The following MAP3K10 variants were observed in gnomAD, a reference collection of about 807,000 sequenced individuals.
MAP3K10 encodes MKN28 derived nonreceptor_type serine/threonine kinase.
MAP3K10 carries 22 observed loss-of-function variants against 75.0 expected under a neutral mutation model. The observed-to-expected ratio is 0.29, with a 90% CI of 0.21 to 0.42. MAP3K10 has a LOEUF of 0.42. MAP3K10 is among the 10% of genes least tolerant of loss of function. The pLI is 1.00. For missense variants in MAP3K10, 1,165 were observed against 1,379.8 expected, an observed-to-expected ratio of 0.84 and a Z score of 2.47; for synonymous variants, 599 against 612.9, an observed-to-expected ratio of 0.98 and a Z score of 0.34.
At chr19:40,209,498 C>T (rs965249980) in intron 6 of MAP3K10, among the ~76,000 whole-genome samples, 3 of 151,900 alleles carry the variant, frequency 2.0e-5, no homozygotes, top group East Asian at 3.9e-4. Context: ...CTGCAACCTC[C>T]GCCTCCTGGG....
In MAP3K10 at chr19:40,192,120, C is replaced by T. The variant is rs1263304652; in HGVS notation, c.89C>T (p.Ala30Val). The T allele has an allele frequency of 7.0e-6, 11 of 1,570,990 alleles. No individual in the cohort carries two copies. Among genetic ancestry groups the T allele is most frequent in the Non-Finnish European group, 9.5e-6 (11 of 1,161,692 alleles). The change falls in exon 1 of 10, where the codon GCG (alanine) becomes GTG (valine). Residue 30 changes from alanine to valine, a missense_variant. By Grantham distance (64) the Ala-to-Val change is moderately conservative. Around this residue, in one of 2 missense-constraint regions of MAP3K10, gnomAD observed 575 missense variants for 793.2 expected, o/e 0.72. Coordinates refer to ENST00000253055, the MANE Select transcript of MAP3K10 (RefSeq NM_002446.4). The surrounding 1 kb of genome is among the most constrained non-coding windows in gnomAD (Gnocchi z 7.1). ...VWTAVFDYEA[A>V]GDEELTLRRG... ...ACCGCGGTGTTCGACTACGAGGCGG[C>T]GGGCGACGAGGAGCTGACCCTGCGG...
chr19:40,213,033 A>G lies in MAP3K10; in HGVS notation c.1725-43A>G. 1 of 1,596,722 alleles carries G rather than the reference A, an allele frequency of 6.3e-7. No homozygotes were observed. The highest frequency in any genetic ancestry group is 8.5e-7 in the Non-Finnish European group (1 of 1,170,386). On this transcript the variant is annotated intron_variant, in intron 7 of 9. Transcript: ENST00000253055. The surrounding 1 kb of genome is among the most constrained non-coding windows in gnomAD (Gnocchi z 5.7). ...GCCCAAGCCCCAGCTCCCAGGCTCC[A>G]GGCCACAGGACTGAGGTCTCCATCT...
At position 40,191,969 on chromosome 19, in the gene MAP3K10, G is replaced by T. The variant is rs1972822441; in HGVS notation, c.-63G>T. 3.4e-6 allele frequency: 4 copies of T among 1,190,696 alleles called. No individual in the cohort carries two copies. The South Asian group carries it at 5.2e-5, about 15-fold the overall frequency. 73.8% of individuals were successfully genotyped at this position (1,190,696 alleles called of 1,614,324 possible). A position where few individuals can be genotyped will look rare whatever the true frequency, so the allele number is the denominator to read the frequency against. On this transcript the variant is annotated 5_prime_UTR_variant, in exon 1 of 10. Transcript: ENST00000253055. ...CCCTCCATCCCGGCCGCCGGGGCCC[G>T]CCCTCTGCATCCCGCGGGCAGCCTG...
Position 40,213,967 on chromosome 19 carries a change from G to A in MAP3K10, c.2288G>A (p.Arg763His), listed in dbSNP as rs780965991. 2.6e-6 allele frequency: 4 copies of A among 1,535,214 alleles called. No individual in the cohort carries two copies. Among genetic ancestry groups the A allele is most frequent in the South Asian group, 1.2e-5 (1 of 83,010 alleles). ...SDCNSTRSLL[R>H]SDSDEAAPAA... is the part of the protein sequence containing the mutation. ...TGCAACTCCACGCGTTCACTGCTGC[G>A]CTCTGACAGTGACGAGGCCGCACCG... Residue 763 changes from arginine (R) to histidine (H), a missense_variant, in exon 9 of 10, where the codon CGC becomes CAC. Arg to His is a conservative substitution (Grantham distance 29, BLOSUM62 0). Coordinates refer to ENST00000253055, the MANE Select transcript of MAP3K10 (RefSeq NM_002446.4). This position sits in a 1 kb window ranked among gnomAD's most constrained non-coding sequence, Gnocchi z 5.7.
At position 40,192,071 on chromosome 19, in the gene MAP3K10, A is replaced by C. The variant is rs908334304; in HGVS notation, c.40A>C (p.Thr14Pro). The C allele has an allele frequency of 8.1e-6, 12 of 1,489,128 alleles. No homozygotes were observed. In the African/African-American group the frequency reaches 1.6e-4, roughly 19 times the overall value. 92.2% of individuals were successfully genotyped at this position (1,489,128 alleles called of 1,614,324 possible). A position where few individuals can be genotyped will look rare whatever the true frequency, so the allele number is the denominator to read the frequency against. The stretch of plus-strand genomic sequence containing the variant: ...GGGGGCGGTGGCCAAGGAGTGGGGC[A>C]CGACCCCCGCGGGGCCCGTCTGGAC... ...EEGAVAKEWG[T>P]TPAGPVWTAV... The change falls in exon 1 of 10, where the codon ACG (threonine) becomes CCG (proline). Residue 14 changes from threonine (T) to proline (P), a missense_variant. Physicochemically the swap from Thr to Pro is conservative, Grantham distance 38. Around this residue, in one of 2 missense-constraint regions of MAP3K10, gnomAD observed 575 missense variants for 793.2 expected, o/e 0.72. Coordinates refer to ENST00000253055, the MANE Select transcript of MAP3K10 (RefSeq NM_002446.4). This position sits in a 1 kb window ranked among gnomAD's most constrained non-coding sequence, Gnocchi z 7.1.
chr19:40,195,000 A>G (rs979392870), intron 1 of MAP3K10, among the ~76,000 whole-genome samples: 1 of 152,192 alleles, frequency 6.6e-6, no homozygotes, highest in African/African-American at 2.4e-5. Flanking sequence ...GACCTGAACA[A>G]AGGGGACCCA....
chr19:40,213,576 C>G lies in MAP3K10; in HGVS notation c.1897C>G (p.Pro633Ala). The change falls in exon 9 of 10, where the codon CCG (proline) becomes GCG (alanine). Residue 633 changes from proline to alanine, a missense_variant. Pro to Ala is a conservative substitution (Grantham distance 27). This residue lies in a region of MAP3K10 where 590 missense variants were observed against 586.6 expected (regional missense o/e 1.01). Transcript: ENST00000253055. This position sits in a 1 kb window ranked among gnomAD's most constrained non-coding sequence, Gnocchi z 5.7. ...SSVPPSPYST[P>A]SYLSVPLPAE... ...CGTGCCCCCTTCCCCCTACTCGACC[C>G]CGTCCTACCTCTCAGTGCCACTGCC... 6 of 1,609,900 alleles carry G rather than the reference C, an allele frequency of 3.7e-6. No homozygotes were observed. The highest frequency in any genetic ancestry group is 4.2e-6 in the Non-Finnish European group (5 of 1,178,556).
intron 1 of MAP3K10, among the ~76,000 whole-genome samples, chr19:40,196,673 C>T (rs530719383): frequency 7.9e-5 from 12 of 152,266 alleles, no homozygotes; most frequent in African/African-American, 2.6e-4. Context: ...CACCCGCCAC[C>T]ACACCCAGCT....
chr19:40,195,049 A>G (rs1438307227), intron 1 of MAP3K10, among the ~76,000 whole-genome samples: 1 of 152,212 alleles, frequency 6.6e-6, no homozygotes, highest in African/African-American at 2.4e-5. Context: ...AGTGGGGCAC[A>G]TGCCCTGAGG....
intron 2 of MAP3K10, among the ~76,000 whole-genome samples, chr19:40,201,928 G>A (rs1048676099): frequency 1.3e-5 from 2 of 151,336 alleles, no homozygotes; most frequent in Non-Finnish European, 2.9e-5. Context: ...TTGAAGCCCC[G>A]CGTGTGTCAG....
chr19:40,213,148 C>CA lies in MAP3K10; in HGVS notation c.1798dup (p.Thr600AsnfsTer12). 1 of 1,598,734 alleles carries CA rather than the reference C, an allele frequency of 6.3e-7. No individual in the cohort carries two copies. The highest frequency in any genetic ancestry group is 2.3e-5 in the East Asian group (1 of 44,390). On this transcript the variant is annotated frameshift_variant, in exon 8 of 10. Coordinates refer to ENST00000253055, the MANE Select transcript of MAP3K10 (RefSeq NM_002446.4). LOFTEE classifies it high-confidence loss of function. This position sits in a 1 kb window ranked among gnomAD's most constrained non-coding sequence, Gnocchi z 5.7. ...CCAACCTGGGCAAGTCCCCCAAACA[C>CA]ACACCCATCGCCCCTGGCTTTGCCA...
At position 40,213,666 on chromosome 19, in the gene MAP3K10, TG is replaced by T. The variant is rs1973285470; in HGVS notation, c.1991del (p.Gly664AspfsTer13). 1.7e-6 allele frequency: 2 copies of T among 1,207,674 alleles called. No homozygotes were observed. The highest frequency in any genetic ancestry group is 2.1e-6 in the Non-Finnish European group (2 of 964,248). The allele number at this position is 1,207,674 out of a possible 1,614,324, so 74.8% of individuals were successfully genotyped here. A position where few individuals can be genotyped will look rare whatever the true frequency, so the allele number is the denominator to read the frequency against. ...EPTPSAPPAR[W>X]GHGARRRCDL... ...GACGCCGTCCGCGCCCCCCGCTCGG[TG>T]GGGACACGGCGCCCGGCGGCGCTGC... On this transcript the variant is annotated frameshift_variant, in exon 9 of 10. Coordinates refer to ENST00000253055, the MANE Select transcript of MAP3K10 (RefSeq NM_002446.4). LOFTEE classifies it high-confidence loss of function. This position sits in a 1 kb window ranked among gnomAD's most constrained non-coding sequence, Gnocchi z 5.7.
intron 5 of MAP3K10, 44 bp from the exon 6 acceptor site, chr19:40,209,059 C>A: frequency 7.1e-7 from 1 of 1,417,486 alleles, no homozygotes; most frequent in Non-Finnish European, 1.0e-6. Context: ...CTTTGGTAAT[C>A]CCTGGAACCA....
Position 40,214,040 on chromosome 19 carries a change from C to G in MAP3K10, c.2361C>G (p.Pro787=). Residue 787 remains proline, a synonymous_variant, in exon 9 of 10, where the codon CCC becomes CCG. Coordinates refer to ENST00000253055, the MANE Select transcript of MAP3K10 (RefSeq NM_002446.4). Reference sequence around the variant, plus strand: ...CCCCGCCCGCGCCCACACCCACGCCCTCGCCCAGCACCAACCCCCTGGTGG... The same window carrying G: ...CCCCGCCCGCGCCCACACCCACGCCGTCGCCCAGCACCAACCCCCTGGTGG... The part of the protein sequence containing the change: ...PPSPPAPTPT[P]SPSTNPLVDL... The G allele has an allele frequency of 6.5e-7, 1 of 1,536,312 alleles. No homozygotes were observed. The highest frequency in any genetic ancestry group is 8.7e-7 in the Non-Finnish European group (1 of 1,147,506).
At position 40,205,884 on chromosome 19, in the gene MAP3K10, C is replaced by T; in HGVS notation, c.1189-27C>T. 1.3e-6 allele frequency: 2 copies of T among 1,500,556 alleles called. No individual in the cohort carries two copies. The highest frequency in any genetic ancestry group is 2.2e-5 in the Admixed American group (1 of 45,042). 93.0% of individuals were successfully genotyped at this position (1,500,556 alleles called of 1,614,324 possible). ...AGGAAGCAGAGCAGCTAAGCCCCTC[C>T]CCCCAGCCACCGCCTCTCCTTCCCA... is the stretch of plus-strand genomic sequence containing the variant. On this transcript the variant is annotated intron_variant, in intron 4 of 9. Coordinates refer to ENST00000253055, the MANE Select transcript of MAP3K10 (RefSeq NM_002446.4). This position sits in a 1 kb window ranked among gnomAD's most constrained non-coding sequence, Gnocchi z 4.3.
Position 40,198,905 on chromosome 19 carries a change from TA to T in MAP3K10, c.863+355del, listed in dbSNP as rs1333048160. On this transcript the variant is annotated intron_variant, in intron 2 of 9. Coordinates refer to ENST00000253055, the MANE Select transcript of MAP3K10 (RefSeq NM_002446.4). This position sits in a 1 kb window ranked among gnomAD's most constrained non-coding sequence, Gnocchi z 4.3. ...CAACATGGTGAAACCCCATCTCTAC[TA>T]AAAATACTAAAATTACCTGGGCGTG... Among the ~76,000 whole-genome samples the T allele has an allele frequency of 6.6e-6, 1 of 152,092 alleles. No individual in the cohort carries two copies. Among genetic ancestry groups the T allele is most frequent in the Non-Finnish European group, 1.5e-5 (1 of 68,002 alleles).
rs1482367638 is a variant in MAP3K10 at position 40,192,954 on chromosome 19, A to T, written c.682+241A>T. Among the ~76,000 whole-genome samples, 2 of 152,198 alleles carry T rather than the reference A, an allele frequency of 1.3e-5. No individual in the cohort carries two copies. The highest frequency in any genetic ancestry group is 4.8e-5 in the African/African-American group (2 of 41,458). On this transcript the variant is annotated intron_variant, in intron 1 of 9. Coordinates refer to ENST00000253055, the MANE Select transcript of MAP3K10 (RefSeq NM_002446.4). The surrounding 1 kb of genome is among the most constrained non-coding windows in gnomAD (Gnocchi z 7.1). ...GGCTGCAGAGTCACAATCGCTCAGT[A>T]AACATGTATCCATGAACACCTGCGT...
rs1428186614 is a variant in MAP3K10 at position 40,198,157 on chromosome 19, G to A, written c.683-218G>A. Among the ~76,000 whole-genome samples, 1 of 152,220 alleles carries A rather than the reference G, an allele frequency of 6.6e-6. No individual in the cohort carries two copies. Among genetic ancestry groups the A allele is most frequent in the African/African-American group, 2.4e-5 (1 of 41,460 alleles). ...CAGAATCAGGAGGGCAGAGGACACA[G>A]GAGGAGCTCCCTACTCCCTCATGGG... On this transcript the variant is annotated intron_variant, in intron 1 of 9. Transcript: ENST00000253055. The surrounding 1 kb of genome is among the most constrained non-coding windows in gnomAD (Gnocchi z 4.3).
intron 5 of MAP3K10, among the ~76,000 whole-genome samples, chr19:40,208,345 C>CTTTCTTTTTTTTT (rs1555756622): frequency 1.5e-3 from 83 of 55,884 alleles, no homozygotes; most frequent in Non-Finnish European, 2.4e-3. Context: ...CTCTTTCTTT[C>CTTTCTTTTTTTTT]TTTTTTTTTT....
Sources: gnomAD v4.1 joint callset for allele counts (sites outside exome capture counted in the v4.1 genomes callset) on GRCh38, gnomAD v4.1.1 for gene constraint, gnomAD v4.1.1 regional missense constraint, Gnocchi (gnomAD v3.1) non-coding constraint, MANE v1.5 for transcripts, NCBI Gene and HGNC (gene_info 2026-07-23, HGNC 2026-07-21) for gene names.